SLMAP: variants seen among roughly 807,000 people sequenced by gnomAD.
SLMAP encodes the protein sarcolemmal membrane-associated protein.
Under a neutral mutation model 128.8 loss-of-function variants are expected in SLMAP, and 44 were observed. The ratio of observed to expected loss-of-function variants is 0.34; its 90% CI spans 0.27 to 0.44. The LOEUF (loss-of-function observed/expected upper bound fraction) is 0.44. Among genes scored for constraint, SLMAP ranks in the 20% least tolerant of loss-of-function variants. The probability of loss-of-function intolerance (pLI) is 1.00; values close to 1 mark genes in which losing one functional copy is unlikely to be tolerated. For synonymous variants in SLMAP, 327 were observed against 348.8 expected, an observed-to-expected ratio of 0.94 and a Z score of 0.70; for missense variants, 787 against 985.3, an observed-to-expected ratio of 0.80 and a Z score of 2.69.
intron 2 of SLMAP, among the ~76,000 whole-genome samples, chr3:57,802,764 A>G (rs2088851744): frequency 6.6e-6 from 1 of 152,176 alleles, no homozygotes; most frequent in Non-Finnish European, 1.5e-5. Context: ...TGTTTGATGG[A>G]CATTCAGATT....
chr3:57,869,726 TAATA>T (rs922695654), intron 13 of SLMAP, among the ~76,000 whole-genome samples: 2 of 145,650 alleles, frequency 1.4e-5, no homozygotes, highest in African/African-American at 2.5e-5. Context: ...ATTTCAATAT[TAATA>T]AATATTAAAA....
At chr3:57,886,502 C>A (rs1575738271) in intron 14 of SLMAP, among the ~76,000 whole-genome samples, 1 of 150,486 alleles carries the variant, frequency 6.6e-6, no homozygotes, top group Non-Finnish European at 1.5e-5. Context: ...AAATATGATA[C>A]CAGATTTTTA....
chr3:57,808,818 T>G (rs2090398963), intron 2 of SLMAP, among the ~76,000 whole-genome samples: 1 of 152,204 alleles, frequency 6.6e-6, no homozygotes, highest in African/African-American at 2.4e-5. Context: ...TCCTTGTTAA[T>G]TTTCTGTCTC....
At chr3:57,828,850 G>C (rs1179930221) in intron 2 of SLMAP, among the ~76,000 whole-genome samples, 1 of 152,028 alleles carries the variant, frequency 6.6e-6, no homozygotes, top group African/African-American at 2.4e-5. Flanking sequence ...CATGATTATG[G>C]CTCACTGCAG....
intron 4 of SLMAP, among the ~76,000 whole-genome samples, chr3:57,844,430 G>A (rs2094140166): frequency 6.6e-6 from 1 of 151,666 alleles, no homozygotes; most frequent in African/African-American, 2.4e-5. Flanking sequence ...AAAAAAAATT[G>A]CATATAATCC....
At chr3:57,851,150 C>T (rs997545908) in intron 6 of SLMAP, among the ~76,000 whole-genome samples, 3 of 152,104 alleles carry the variant, frequency 2.0e-5, no homozygotes, top group African/African-American at 7.2e-5. Flanking sequence ...ATAATTTATA[C>T]AGTATCACAT....
intron 17 of SLMAP, among the ~76,000 whole-genome samples, chr3:57,906,597 A>G (rs2096570967): frequency 6.7e-6 from 1 of 148,848 alleles, no homozygotes; most frequent in Non-Finnish European, 1.5e-5. Context: ...GATTACAGGC[A>G]TGAACCACCG....
At chr3:57,839,509 C>T (rs140159349) in intron 3 of SLMAP, among the ~76,000 whole-genome samples, 2 of 132,914 alleles carry the variant, frequency 1.5e-5, no homozygotes, top group African/African-American at 2.9e-5. Context: ...GGCATGGTCT[C>T]GGCTCACTGC....
At chr3:57,824,125 A>T (rs2092744935) in intron 2 of SLMAP, among the ~76,000 whole-genome samples, 9 of 152,360 alleles carry the variant, frequency 5.9e-5, no homozygotes, top group Middle Eastern at 3.4e-3. Context: ...GATGAAAATT[A>T]TAAAAAATAT....
intron 21 of SLMAP, among the ~76,000 whole-genome samples, chr3:57,915,807 A>G (rs543002222): frequency 2.0e-5 from 3 of 152,188 alleles, no homozygotes; most frequent in Non-Finnish European, 4.4e-5. Flanking sequence ...CTGTTCACAC[A>G]TATCAAGCTG....
At chr3:57,788,370 T>G (rs1309100347) in intron 2 of SLMAP, among the ~76,000 whole-genome samples, 2 of 152,270 alleles carry the variant, frequency 1.3e-5, no homozygotes, top group East Asian at 3.9e-4. Context: ...AGACATTGGC[T>G]TTGTGCCTAG....
chr3:57,799,182 A>T (rs962291949), intron 2 of SLMAP, among the ~76,000 whole-genome samples: 1 of 152,168 alleles, frequency 6.6e-6, no homozygotes, highest in Non-Finnish European at 1.5e-5. Context: ...ATGCTAAGGG[A>T]TACTTATAAC....
At chr3:57,850,247 G>A (rs2094452939) in intron 6 of SLMAP, among the ~76,000 whole-genome samples, 1 of 151,968 alleles carries the variant, frequency 6.6e-6, no homozygotes, top group Admixed American at 6.6e-5. Context: ...TAAAAAAATG[G>A]CTGGATGCAA....
In SLMAP at chr3:57,854,363, C is replaced by T. The variant is rs571518297; in HGVS notation, c.520-3370C>T. ...CTGTAATCCCAACACTTTGGGAGGC[C>T]GAGGCAGGCAGATCACTTGAGACCA... On this transcript the variant is annotated intron_variant, in intron 6 of 24. Transcript: ENST00000671191. Among the ~76,000 whole-genome samples, 4 of 151,798 alleles carry T rather than the reference C, an allele frequency of 2.6e-5. No homozygotes were observed. The East Asian group carries it at 5.9e-4, about 22-fold the overall frequency.
intron 2 of SLMAP, among the ~76,000 whole-genome samples, chr3:57,782,651 T>G (rs951268465): frequency 1.3e-5 from 2 of 152,152 alleles, no homozygotes; most frequent in African/African-American, 4.8e-5. Context: ...TTTTTTGTTT[T>G]TTTGTAAAGA....
chr3:57,775,573 G>T (rs1046988938), intron 2 of SLMAP, among the ~76,000 whole-genome samples: 2 of 151,158 alleles, frequency 1.3e-5, no homozygotes, highest in African/African-American at 4.9e-5. Context: ...TGTAGTCCCG[G>T]CTGCTTGAGG....
At chr3:57,807,084 T>A (rs2090037870) in intron 2 of SLMAP, among the ~76,000 whole-genome samples, 2 of 152,228 alleles carry the variant, frequency 1.3e-5, no homozygotes, top group African/African-American at 4.8e-5. Context: ...GGTATCTCAC[T>A]GTGGTTTTGA....
intron 2 of SLMAP, among the ~76,000 whole-genome samples, chr3:57,785,954 T>C (rs1391879124): frequency 2.0e-5 from 3 of 152,206 alleles, no homozygotes; most frequent in Admixed American, 6.5e-5. Context: ...CTTCTACTAC[T>C]AAGTAAAAGA....
chr3:57,857,942 C>G (rs2094871475), intron 7 of SLMAP, 114 bp downstream of exon 7: 1 of 945,784 alleles, frequency 1.1e-6, no homozygotes, highest in Non-Finnish European at 1.7e-6. Context: ...AACTAATGAA[C>G]AAGTTGTTGA....
Sources: gnomAD v4.1 joint callset for allele counts (sites outside exome capture counted in the v4.1 genomes callset) on GRCh38, gnomAD v4.1.1 for gene constraint, MANE v1.5 for transcripts, NCBI Gene and HGNC (gene_info 2026-07-23, HGNC 2026-07-21) for gene names.